PLCE1: variants seen among roughly 807,000 people sequenced by gnomAD.
PLCE1 encodes the protein phospholipase C epsilon 1, also known as 1-phosphatidylinositol 4,5-bisphosphate phosphodiesterase epsilon-1.
Under a neutral mutation model 242.8 loss-of-function variants are expected in PLCE1, and 119 were observed. The observed-to-expected ratio is 0.49, with a 90% CI of 0.42 to 0.57. PLCE1 has a LOEUF of 0.57. PLCE1 is among the 20% of genes least tolerant of loss of function. PLCE1 has a pLI of 0.00. For synonymous variants in PLCE1, 945 were observed against 1,017.4 expected (o/e 0.93, Z 1.35); for missense variants, 2,441 against 2,788.8 (o/e 0.88, Z 2.81).
chr10:93,996,443 G>A (rs760661730), intron 1 of PLCE1, among the ~76,000 whole-genome samples: 1 of 152,218 alleles, frequency 6.6e-6, no homozygotes, highest in South Asian at 2.1e-4. Flanking sequence ...TGGAAGAGGG[G>A]TGGAAGGTTC....
intron 20 of PLCE1, 77 bp downstream of exon 20, chr10:94,279,988 T>C: frequency 6.8e-7 from 1 of 1,475,022 alleles, no homozygotes; most frequent in East Asian, 2.3e-5. Context: ...CTAAAATAAG[T>C]CTAGAGCGCC....
chr10:94,262,567 G>A lies in PLCE1; in HGVS notation c.3888G>A (p.Arg1296=). ...AACAGCAGCTATCGGACAACCAGAGGCAGATATCTGATGCCATTGCTGCTG... is the reference window on the plus strand; with the variant it reads ...AACAGCAGCTATCGGACAACCAGAGACAGATATCTGATGCCATTGCTGCTG... ...KSKQQLSDNQ[R]QISDAIAAAS... is the part of the protein sequence containing the mutation. Residue 1296 remains arginine, a synonymous_variant, in exon 14 of 33, where the codon AGG becomes AGA. Transcript: ENST00000371380. The A allele has an allele frequency of 1.2e-6, 2 of 1,614,074 alleles. No homozygotes were observed. Among genetic ancestry groups the A allele is most frequent in the Non-Finnish European group, 1.7e-6 (2 of 1,179,948 alleles).
At chr10:94,041,797 G>T (rs1415108308) in intron 2 of PLCE1, among the ~76,000 whole-genome samples, 1 of 152,108 alleles carries the variant, frequency 6.6e-6, no homozygotes, top group East Asian at 1.9e-4. Context: ...TCATTCCTGG[G>T]GTTTGGAAGG....
chr10:94,137,010 G>A (rs1564722758), intron 3 of PLCE1, among the ~76,000 whole-genome samples: 1 of 152,160 alleles, frequency 6.6e-6, no homozygotes, highest in East Asian at 1.9e-4. Flanking sequence ...GGCTAACATG[G>A]TGAAACCCCG....
chr10:94,292,354 G>C (rs1237758393), intron 22 of PLCE1, among the ~76,000 whole-genome samples: 1 of 152,132 alleles, frequency 6.6e-6, no homozygotes, highest in African/African-American at 2.4e-5. Context: ...ATACTCAAAG[G>C]AAATGCTCAT....
At chr10:94,277,835 T>G (rs1207874937) in intron 19 of PLCE1, among the ~76,000 whole-genome samples, 1 of 152,226 alleles carries the variant, frequency 6.6e-6, no homozygotes, top group Non-Finnish European at 1.5e-5. Context: ...ACTGGAGATC[T>G]TTGAAGACTC....
chr10:94,180,937 C>G (rs577229772), intron 4 of PLCE1, among the ~76,000 whole-genome samples: 5 of 152,330 alleles, frequency 3.3e-5, no homozygotes, highest in African/African-American at 9.6e-5. Flanking sequence ...AATTTCCACT[C>G]TTTATACATT....
chr10:94,152,090 A>G (rs1442174488), intron 3 of PLCE1, among the ~76,000 whole-genome samples: 4 of 152,204 alleles, frequency 2.6e-5, no homozygotes, highest in Admixed American at 6.5e-5. Context: ...AACTCTCTGG[A>G]TGTTGGCCTA....
At chr10:94,224,755 T>G (rs1211193780) in intron 4 of PLCE1, among the ~76,000 whole-genome samples, 1 of 152,228 alleles carries the variant, frequency 6.6e-6, no homozygotes, top group Non-Finnish European at 1.5e-5. Context: ...TGACTCAGTC[T>G]CTGTTAGCAA....
intron 8 of PLCE1, among the ~76,000 whole-genome samples, chr10:94,250,270 A>T (rs913089313): frequency 2.0e-5 from 3 of 152,112 alleles, no homozygotes; most frequent in South Asian, 4.2e-4. Context: ...GGGAGGCCGA[A>T]GTGGGTGGAT....
intron 2 of PLCE1, among the ~76,000 whole-genome samples, chr10:94,070,104 C>G (rs556903920): frequency 6.6e-6 from 1 of 152,312 alleles, no homozygotes; most frequent in African/African-American, 2.4e-5. Context: ...CCTACAGCCA[C>G]AGGCATATAC....
chr10:94,259,606 G>A (rs865838979), intron 13 of PLCE1, among the ~76,000 whole-genome samples: 2 of 152,132 alleles, frequency 1.3e-5, no homozygotes, highest in East Asian at 1.9e-4. Flanking sequence ...TTATTTTAAG[G>A]TGTCATCTGG....
intron 4 of PLCE1, among the ~76,000 whole-genome samples, chr10:94,224,785 G>A (rs1286730600): frequency 1.3e-5 from 2 of 152,210 alleles, no homozygotes; most frequent in Non-Finnish European, 2.9e-5. Flanking sequence ...TTGCTCTAGT[G>A]AGCCAGGGTT....
intron 2 of PLCE1, among the ~76,000 whole-genome samples, chr10:94,099,177 T>C (rs1180385605): frequency 6.6e-6 from 1 of 152,248 alleles, no homozygotes; most frequent in Non-Finnish European, 1.5e-5. Context: ...AGTCACTTTA[T>C]ATTTCTGAAC....
intron 4 of PLCE1, among the ~76,000 whole-genome samples, chr10:94,208,563 C>A (rs966151176): frequency 7.2e-5 from 11 of 152,188 alleles, no homozygotes; most frequent in Non-Finnish European, 5.9e-5. Flanking sequence ...GAATCATAAT[C>A]TGCATTTTAA....
chr10:94,297,219 T>C (rs1347895603), intron 23 of PLCE1, among the ~76,000 whole-genome samples: 1 of 152,010 alleles, frequency 6.6e-6, no homozygotes, highest in Non-Finnish European at 1.5e-5. Flanking sequence ...CACTTGAACA[T>C]TTAGAGGCCA....
At chr10:94,274,929 A>T (rs1278541967) in intron 19 of PLCE1, among the ~76,000 whole-genome samples, 1 of 152,116 alleles carries the variant, frequency 6.6e-6, no homozygotes, top group Non-Finnish European at 1.5e-5. Flanking sequence ...TCAGTGACTG[A>T]CCACCCAGTG....
chr10:94,095,644 G>A (rs571708413), intron 2 of PLCE1, among the ~76,000 whole-genome samples: 1 of 152,302 alleles, frequency 6.6e-6, no homozygotes, highest in East Asian at 1.9e-4. Flanking sequence ...GCATGGGAGA[G>A]GAGAGAGAGG....
intron 4 of PLCE1, among the ~76,000 whole-genome samples, chr10:94,177,497 G>A (rs771276778): frequency 5.9e-5 from 9 of 152,144 alleles, no homozygotes; most frequent in Non-Finnish European, 7.3e-5. Context: ...TGAGAGACAG[G>A]TCTTCCCGAA....
Sources: allele counts gnomAD v4.1 joint callset (sites outside exome capture counted in the v4.1 genomes callset), GRCh38; gene constraint gnomAD v4.1.1; transcripts MANE v1.5; gene names NCBI Gene and HGNC (gene_info 2026-07-23, HGNC 2026-07-21).